The following DEPTOR variants were observed in gnomAD, a reference collection of about 807,000 sequenced individuals.
DEPTOR encodes the protein DEP domain-containing mTOR-interacting protein.
A neutral mutation model predicts 41.6 loss-of-function variants in DEPTOR; 41 were observed. The observed-to-expected ratio is 0.98, with a 90% confidence interval of 0.77 to 1.28. The LOEUF (loss-of-function observed/expected upper bound fraction) is 1.28. DEPTOR is among the 50% of genes most tolerant of loss of function. DEPTOR has a pLI of 0.00. For missense variants in DEPTOR, 514 were observed against 527.9 expected (o/e 0.97, Z 0.26); for synonymous variants, 195 against 192.3 (o/e 1.01, Z -0.12).
chr8:119,998,408 A>T (rs1210891837), intron 4 of DEPTOR, among the ~76,000 whole-genome samples: 1 of 152,110 alleles, frequency 6.6e-6, no homozygotes, highest in Non-Finnish European at 1.5e-5. Context: ...TTTAATGTGT[A>T]TTTCCATATT....
chr8:120,022,329 C>T (rs566819183), intron 8 of DEPTOR, among the ~76,000 whole-genome samples: 91 of 152,206 alleles, frequency 6.0e-4, no homozygotes, highest in African/African-American at 2.0e-3. Context: ...GTTTGTTTAA[C>T]GTTTTGTTGA....
chr8:119,945,927 C>T (rs538988713), intron 3 of DEPTOR, among the ~76,000 whole-genome samples: 17 of 152,242 alleles, frequency 1.1e-4, no homozygotes, highest in African/African-American at 3.9e-4. Context: ...AGAGTGATAC[C>T]AGTGGAAGGC....
At chr8:119,943,900 C>G (rs1828235406) in intron 3 of DEPTOR, among the ~76,000 whole-genome samples, 1 of 152,100 alleles carries the variant, frequency 6.6e-6, no homozygotes, top group Non-Finnish European at 1.5e-5. Context: ...TGCAGTGGCT[C>G]AATCTTGGCT....
intron 8 of DEPTOR, among the ~76,000 whole-genome samples, chr8:120,012,162 A>G (rs1563591908): frequency 6.6e-6 from 1 of 152,240 alleles, no homozygotes. Context: ...TGTTGTTAAG[A>G]TATAGCCCTA....
intron 3 of DEPTOR, among the ~76,000 whole-genome samples, chr8:119,962,205 T>C (rs1828501851): frequency 6.6e-6 from 1 of 151,746 alleles, no homozygotes; most frequent in Admixed American, 6.6e-5. Flanking sequence ...TGCAGTGAGC[T>C]GAGATTGCAC....
At position 119,908,608 on chromosome 8, in the gene DEPTOR, G is replaced by A. The variant is rs115781243; in HGVS notation, c.123-19792G>A. Among the ~76,000 whole-genome samples, 351 of 152,270 alleles carry A rather than the reference G, an allele frequency of 2.3e-3. 1 individual carries two copies. The highest frequency in any genetic ancestry group is 7.9e-3 in the African/African-American group (329 of 41,544). ...ACTTGCAATTGGTATCTGGAGTGGG[G>A]GCAGTCTTGTGGGACAAGTGTAGCT... On this transcript the variant is annotated intron_variant, in intron 1 of 8. Coordinates refer to ENST00000286234, the MANE Select transcript of DEPTOR (RefSeq NM_022783.4).
At chr8:120,004,085 G>A (rs1241318437) in intron 6 of DEPTOR, among the ~76,000 whole-genome samples, 5 of 152,074 alleles carry the variant, frequency 3.3e-5, no homozygotes, top group Non-Finnish European at 5.9e-5. Context: ...AAGATGACAG[G>A]TCATAACCCC....
rs769293767 is a variant in DEPTOR, at chr8:120,003,037, G to A, written c.851G>A (p.Cys284Tyr). The change falls in exon 6 of 9, where the codon TGT (cysteine) becomes TAT (tyrosine). Residue 284 changes from cysteine to tyrosine, a missense_variant. Transcript: ENST00000286234. ...GTGAGGAGAAGCAGCATGAGCAGCT[G>A]TGGCAGCAGCGGCTACTTCAGCAGC... is the stretch of plus-strand genomic sequence containing the variant. ...SAVRRSSMSSCGSSGYFSSSP... is the reference protein window; with the variant it reads ...SAVRRSSMSSYGSSGYFSSSP... 3 of 1,609,760 alleles carry A rather than the reference G, an allele frequency of 1.9e-6. No individual in the cohort carries two copies. Among genetic ancestry groups the A allele is most frequent in the Non-Finnish European group, 8.5e-7 (1 of 1,178,774 alleles).
intron 8 of DEPTOR, among the ~76,000 whole-genome samples, chr8:120,035,423 T>C (rs1812966425): frequency 6.6e-6 from 1 of 152,210 alleles, no homozygotes; most frequent in Non-Finnish European, 1.5e-5. Flanking sequence ...AAGAACTTCC[T>C]ATATCCACAG....
intron 3 of DEPTOR, among the ~76,000 whole-genome samples, chr8:119,947,600 T>A (rs1586627847): frequency 6.6e-6 from 1 of 152,340 alleles, no homozygotes; most frequent in African/African-American, 2.4e-5. Context: ...GAGGTTTGTT[T>A]ACTTTGCTTC....
chr8:119,880,066 C>T (rs1827279113), intron 1 of DEPTOR, among the ~76,000 whole-genome samples: 1 of 151,684 alleles, frequency 6.6e-6, no homozygotes, highest in Non-Finnish European at 1.5e-5. Flanking sequence ...TGCTTGAACC[C>T]AGATGGCAGA....
chr8:119,983,775 T>C (rs1424832454), intron 4 of DEPTOR, among the ~76,000 whole-genome samples: 2 of 152,048 alleles, frequency 1.3e-5, no homozygotes, highest in East Asian at 3.8e-4. Context: ...CTGCATCTTC[T>C]TTTTTAAAGC....
At chr8:119,978,054 C>T (rs1004633833) in intron 4 of DEPTOR, among the ~76,000 whole-genome samples, 36 of 152,140 alleles carry the variant, frequency 2.4e-4, no homozygotes, top group African/African-American at 6.3e-4. Context: ...AACTGCTTCT[C>T]GAGGTACAAC....
At chr8:119,947,662 C>T (rs1828300267) in intron 3 of DEPTOR, among the ~76,000 whole-genome samples, 1 of 152,176 alleles carries the variant, frequency 6.6e-6, no homozygotes, top group Non-Finnish European at 1.5e-5. Flanking sequence ...TTCCCAGTGA[C>T]TAGCACAGGG....
intron 1 of DEPTOR, among the ~76,000 whole-genome samples, chr8:119,884,160 C>G (rs376868699): frequency 6.6e-6 from 1 of 152,156 alleles, no homozygotes; most frequent in East Asian, 1.9e-4. Flanking sequence ...CAGGTTCAAG[C>G]GATTCTCCTG....
chr8:120,044,510 C>G (rs549523820), intron 8 of DEPTOR, among the ~76,000 whole-genome samples: 11 of 152,300 alleles, frequency 7.2e-5, no homozygotes, highest in Non-Finnish European at 1.5e-4. Flanking sequence ...CTGTGTTACT[C>G]AGCTCCACAG....
Position 119,929,953 on chromosome 8 carries a change from A to C in DEPTOR, c.425+15A>C. 1 of 1,604,142 alleles carries C rather than the reference A, an allele frequency of 6.2e-7. No individual in the cohort carries two copies. Among genetic ancestry groups the C allele is most frequent in the East Asian group, 2.2e-5 (1 of 44,560 alleles). On this transcript the variant is annotated intron_variant, in intron 3 of 8. Transcript: ENST00000286234. ...CTATATGAAAAGTATGTTCCGCATGAAATCCCCCCTGTAATCTTGACTTAT... is the reference window on the plus strand; with the variant it reads ...CTATATGAAAAGTATGTTCCGCATGCAATCCCCCCTGTAATCTTGACTTAT...
chr8:119,964,343 C>T (rs899116495), intron 3 of DEPTOR, among the ~76,000 whole-genome samples: 3 of 151,790 alleles, frequency 2.0e-5, no homozygotes, highest in African/African-American at 4.8e-5. Context: ...GGTGAAACCC[C>T]GTCTCTACTA....
intron 8 of DEPTOR, among the ~76,000 whole-genome samples, chr8:120,046,190 A>G (rs1327387690): frequency 6.6e-6 from 1 of 152,178 alleles, no homozygotes; most frequent in African/African-American, 2.4e-5. Flanking sequence ...TAAGAGCTTT[A>G]TGGAGATATA....
Sources: allele counts gnomAD v4.1 joint callset (sites outside exome capture counted in the v4.1 genomes callset), GRCh38; gene constraint gnomAD v4.1.1; transcripts MANE v1.5; gene names NCBI Gene and HGNC (gene_info 2026-07-23, HGNC 2026-07-21).